Variants in SDK2 observed in about 807,000 individuals in gnomAD.
The protein encoded by SDK2 is protein sidekick-2.
In SDK2, 105 loss-of-function variants were observed where a neutral mutation model predicts 253.9. The observed-to-expected ratio is 0.41, with a 90% CI of 0.35 to 0.49. The LOEUF (loss-of-function observed/expected upper bound fraction) is 0.49. Ranked by LOEUF, SDK2 falls within the 20% of genes least tolerant of loss-of-function variation. The pLI, the probability that SDK2 is intolerant of heterozygous loss-of-function variation, is 0.06. For missense variants in SDK2, 2,608 were observed against 3,003.0 expected, an observed-to-expected ratio of 0.87 and a Z score of 3.07; for synonymous variants, 1,249 against 1,234.9, an observed-to-expected ratio of 1.01 and a Z score of -0.24.
chr17:73,509,274 A>G (rs2063959491), intron 1 of SDK2, among the ~76,000 whole-genome samples: 1 of 152,200 alleles, frequency 6.6e-6, no homozygotes, highest in African/African-American at 2.4e-5. Context: ...GGAAGGAAAT[A>G]GTGATGGTGA....
chr17:73,381,892 TCAAAAAA>T (rs2062833958), intron 33 of SDK2, among the ~76,000 whole-genome samples: 2 of 149,574 alleles, frequency 1.3e-5, no homozygotes, highest in Non-Finnish European at 3.0e-5. Flanking sequence ...AGACTCTGTC[TCAAAAAA>T]CAAAAAACAA....
At chr17:73,355,174 A>ATATATATATATTTTTTTTTTTTT in intron 40 of SDK2, among the ~76,000 whole-genome samples, 3 of 47,224 alleles carry the variant, frequency 6.4e-5, no homozygotes, top group African/African-American at 3.3e-4. Context: ...ATATATATAT[A>ATATATATATATTTTTTTTTTTTT]TTTTTTTTTT....
At chr17:73,483,682 TTTATATATATA>T (rs2063749631) in intron 2 of SDK2, among the ~76,000 whole-genome samples, 1 of 49,600 alleles carries the variant, frequency 2.0e-5, no homozygotes, top group Non-Finnish European at 3.7e-5. Context: ...TATATATATA[TTTATATATATA>T]TATATATATA....
chr17:73,522,036 T>A (rs2064083767), intron 1 of SDK2, among the ~76,000 whole-genome samples: 1 of 152,218 alleles, frequency 6.6e-6, no homozygotes, highest in Non-Finnish European at 1.5e-5. Context: ...AGGAGGGCAC[T>A]GAGGCTTGGA....
chr17:73,402,437 G>A (rs1255523866), intron 18 of SDK2, among the ~76,000 whole-genome samples: 1 of 152,224 alleles, frequency 6.6e-6, no homozygotes, highest in Non-Finnish European at 1.5e-5. Context: ...CATTTCACCA[G>A]GAACAGCTGC....
intron 1 of SDK2, among the ~76,000 whole-genome samples, chr17:73,638,232 T>G (rs1355061351): frequency 2.0e-5 from 3 of 152,186 alleles, no homozygotes; most frequent in African/African-American, 2.4e-5. Flanking sequence ...CATTCATTCA[T>G]TCAGTCTTCA....
Position 73,511,462 on chromosome 17 carries a change from G to A in SDK2, c.65-3865C>T, listed in dbSNP as rs896937751. Among the ~76,000 whole-genome samples the A allele has an allele frequency of 3.3e-5, 5 of 152,198 alleles. No homozygotes were observed. The highest frequency in any genetic ancestry group is 2.1e-4 in the South Asian group (1 of 4,832). ...GCCAGTTCATTCTTCAAGCCCTCCC[G>A]GGGGTGCCAGCCTGCAGCAGAATGA... On this transcript the variant is annotated intron_variant, in intron 1 of 44. Transcript: ENST00000392650. The surrounding 1 kb of genome is among the most constrained non-coding windows in gnomAD (Gnocchi z 4.9).
At position 73,455,378 on chromosome 17, in the gene SDK2, G is replaced by A. The variant is rs1188963285; in HGVS notation, c.479+528C>T. 1.3e-5 allele frequency among the ~76,000 whole-genome samples: 2 copies of A among 152,184 alleles called. No homozygotes were observed. The highest frequency in any genetic ancestry group is 2.4e-5 in the African/African-American group (1 of 41,452). The stretch of plus-strand genomic sequence containing the variant: ...CCAATCCCAGGGGGCACACAGAGAC[G>A]GCCTTGTGAACACTCAGAGGCCTGT... On this transcript the variant is annotated intron_variant, in intron 4 of 44. Coordinates refer to ENST00000392650, the MANE Select transcript of SDK2 (RefSeq NM_001144952.2). This position sits in a 1 kb window ranked among gnomAD's most constrained non-coding sequence, Gnocchi z 5.0.
intron 12 of SDK2, among the ~76,000 whole-genome samples, chr17:73,426,198 C>T (rs2063280656): frequency 9.0e-6 from 1 of 111,240 alleles, no homozygotes; most frequent in Non-Finnish European, 1.9e-5. Flanking sequence ...GCCTGCACCA[C>T]CATGCTGGGC....
chr17:73,349,557 C>G (rs559530103), intron 43 of SDK2, among the ~76,000 whole-genome samples: 3 of 152,128 alleles, frequency 2.0e-5, no homozygotes, highest in Non-Finnish European at 2.9e-5. Context: ...ATGGGCAGCC[C>G]GATGGCCACA....
chr17:73,371,421 C>T (rs1025679682), intron 36 of SDK2, among the ~76,000 whole-genome samples: 1 of 152,100 alleles, frequency 6.6e-6, no homozygotes, highest in African/African-American at 2.4e-5. Flanking sequence ...AAGGAGAGAT[C>T]CATGTGTCAA....
chr17:73,421,416 A>G (rs1389218337), intron 15 of SDK2, among the ~76,000 whole-genome samples: 1 of 152,184 alleles, frequency 6.6e-6, no homozygotes, highest in Non-Finnish European at 1.5e-5. Flanking sequence ...CGTGATTTGT[A>G]TCACGGTTGT....
At chr17:73,381,637 T>C (rs1019447652) in intron 33 of SDK2, among the ~76,000 whole-genome samples, 1 of 151,832 alleles carries the variant, frequency 6.6e-6, no homozygotes, top group Non-Finnish European at 1.5e-5. Context: ...TCTCAGCACT[T>C]TGGGAAGCCA....
chr17:73,372,303 A>C (rs113916064), intron 36 of SDK2, among the ~76,000 whole-genome samples: 32 of 152,338 alleles, frequency 2.1e-4, no homozygotes, highest in African/African-American at 7.0e-4. Flanking sequence ...GCTGAGCTGC[A>C]TGGGGCACAT....
chr17:73,635,550 C>T (rs1259528531), intron 1 of SDK2, among the ~76,000 whole-genome samples: 2 of 152,138 alleles, frequency 1.3e-5, no homozygotes, highest in Admixed American at 6.5e-5. Context: ...TTACGAGGCC[C>T]TTGAGAGTCA....
intron 1 of SDK2, among the ~76,000 whole-genome samples, chr17:73,623,495 C>T (rs925090995): frequency 3.9e-5 from 6 of 152,162 alleles, no homozygotes; most frequent in African/African-American, 1.2e-4. Flanking sequence ...GAGGCCTTCC[C>T]CCTGAAGGCC....
chr17:73,596,199 G>A (rs371846997), intron 1 of SDK2, among the ~76,000 whole-genome samples: 10 of 152,292 alleles, frequency 6.6e-5, no homozygotes, highest in East Asian at 1.9e-4. Context: ...AATCTGGGGC[G>A]GCAGGGGTAG....
intron 44 of SDK2, among the ~76,000 whole-genome samples, chr17:73,344,074 C>A (rs914641556): frequency 1.3e-5 from 2 of 152,124 alleles, no homozygotes; most frequent in African/African-American, 4.8e-5. Context: ...GGGGCTGCAG[C>A]CTCTGGATTA....
rs770759494 is a variant in SDK2, at chr17:73,379,270, G to C, written c.4887C>G (p.Asn1629Lys). 7.1e-6 allele frequency: 11 copies of C among 1,552,526 alleles called. No homozygotes were observed. Among genetic ancestry groups the C allele is most frequent in the Non-Finnish European group, 9.6e-6 (11 of 1,147,466 alleles). Residue 1629 changes from asparagine (N) to lysine (K), a missense_variant, in exon 36 of 45, where the codon AAC (asparagine) becomes AAG (lysine). This residue lies in a region of SDK2 where 1,103 missense variants were observed against 1,143.9 expected (regional missense o/e 0.96). Coordinates refer to ENST00000392650, the MANE Select transcript of SDK2 (RefSeq NM_001144952.2). The surrounding 1 kb of genome is among the most constrained non-coding windows in gnomAD (Gnocchi z 4.5). The stretch of plus-strand genomic sequence containing the variant: ...TGGCCGTGGCGCCGTGGACGACCAC[G>C]TTACGAGGTGCTGCTGTGGGCACTG... ...GEAVPTAAPR[N>K]VVVHGATATQ... is the part of the protein sequence containing the mutation.
Sources: gnomAD v4.1 joint callset for allele counts (sites outside exome capture counted in the v4.1 genomes callset) on GRCh38, gnomAD v4.1.1 for gene constraint, gnomAD v4.1.1 regional missense constraint, Gnocchi (gnomAD v3.1) non-coding constraint, MANE v1.5 for transcripts, NCBI Gene and HGNC (gene_info 2026-07-23, HGNC 2026-07-21) for gene names.